Variants in RNF38 observed in about 807,000 individuals in gnomAD.
RNF38 encodes E3 ubiquitin-protein ligase RNF38.
Under a neutral mutation model 67.2 loss-of-function variants are expected in RNF38, and 15 were observed. The ratio of observed to expected loss-of-function variants is 0.22; its 90% CI spans 0.15 to 0.34. RNF38 has a LOEUF of 0.34. Among genes scored for constraint, RNF38 ranks in the 10% least tolerant of loss-of-function variants. The pLI is 1.00. For synonymous variants in RNF38, 220 were observed against 218.8 expected (o/e 1.01, Z -0.05); for missense variants, 524 against 639.9 (o/e 0.82, Z 1.95).
intron 1 of RNF38, among the ~76,000 whole-genome samples, chr9:36,392,060 G>A (rs141550296): frequency 2.0e-3 from 306 of 152,282 alleles, no homozygotes; most frequent in African/African-American, 7.0e-3. Flanking sequence ...ACTGCAAAAC[G>A]TTTAGTATGG....
intron 2 of RNF38, among the ~76,000 whole-genome samples, chr9:36,424,294 C>G (rs1451607135): frequency 6.6e-6 from 1 of 152,146 alleles, no homozygotes; most frequent in Non-Finnish European, 1.5e-5. Context: ...AGCTATCAAC[C>G]TCTGAAACAC....
intron 1 of RNF38, among the ~76,000 whole-genome samples, chr9:36,459,316 A>G (rs1362894191): frequency 1.3e-5 from 2 of 152,178 alleles, no homozygotes; most frequent in Non-Finnish European, 2.9e-5. Flanking sequence ...AGGGCCTTTC[A>G]GCAAAAACAC....
chr9:36,396,678 C>A lies in RNF38; in HGVS notation c.12+3419G>T, dbSNP rs147121567. ...TATGCAAAAGGCAGGCCTGGATGGG[C>A]ACAGGGATCTTTGGGGGATGACAGA... On this transcript the variant is annotated intron_variant, in intron 1 of 11. Coordinates refer to ENST00000259605, the MANE Select transcript of RNF38 (RefSeq NM_022781.5). Among the ~76,000 whole-genome samples, 68 of 152,038 alleles carry A rather than the reference C, an allele frequency of 4.5e-4. No individual in the cohort carries two copies. The East Asian group carries it at 0.012, about 28-fold the overall frequency.
chr9:36,419,503 A>G (rs1487753282), intron 2 of RNF38, among the ~76,000 whole-genome samples: 3 of 152,208 alleles, frequency 2.0e-5, no homozygotes, highest in Admixed American at 6.5e-5. Flanking sequence ...TATATAATTG[A>G]GGCTACAAGT....
chr9:36,419,473 T>C (rs573160208), intron 2 of RNF38, among the ~76,000 whole-genome samples: 6 of 152,346 alleles, frequency 3.9e-5, no homozygotes, highest in Non-Finnish European at 8.8e-5. Context: ...CCTGGCAATG[T>C]ATCAAGAACT....
intron 1 of RNF38, among the ~76,000 whole-genome samples, chr9:36,466,034 A>G (rs1839854810): frequency 6.6e-6 from 1 of 152,196 alleles, no homozygotes; most frequent in South Asian, 2.1e-4. Flanking sequence ...CCTGGGCAAC[A>G]GTGCGAGACT....
chr9:36,381,140 C>G (rs368319097), intron 2 of RNF38, among the ~76,000 whole-genome samples: 1 of 152,198 alleles, frequency 6.6e-6, no homozygotes, highest in Non-Finnish European at 1.5e-5. Context: ...CAGATTTTCA[C>G]GATCCATGCT....
intron 10 of RNF38, among the ~76,000 whole-genome samples, chr9:36,342,915 A>C (rs1197465599): frequency 6.6e-6 from 1 of 152,218 alleles, no homozygotes; most frequent in Non-Finnish European, 1.5e-5. Context: ...GTTGTTCTTC[A>C]GTATTTGAGG....
At chr9:36,340,724 G>A (rs1223935502) in intron 11 of RNF38, among the ~76,000 whole-genome samples, 1 of 152,168 alleles carries the variant, frequency 6.6e-6, no homozygotes, top group Non-Finnish European at 1.5e-5. Context: ...GTGGTACCGA[G>A]GAAAGCTTGA....
intron 2 of RNF38, among the ~76,000 whole-genome samples, chr9:36,412,556 T>A (rs1838352062): frequency 6.6e-6 from 1 of 152,218 alleles, no homozygotes; most frequent in Admixed American, 6.6e-5. Context: ...TGCGGGTGGA[T>A]CCCTTATGAA....
chr9:36,386,538 A>C (rs1836652307), intron 2 of RNF38, among the ~76,000 whole-genome samples: 1 of 152,196 alleles, frequency 6.6e-6, no homozygotes, highest in Admixed American at 6.5e-5. Flanking sequence ...CTCCATACTA[A>C]ACAGTGGCTT....
At chr9:36,402,137 T>C (rs1026841981), upstream of RNF38, among the ~76,000 whole-genome samples, 1 of 152,230 alleles carries the variant, frequency 6.6e-6, no homozygotes, top group Non-Finnish European at 1.5e-5. Context: ...AGAAGGTGTT[T>C]AGCAACTGCT....
chr9:36,388,668 C>G (rs1836832329), intron 2 of RNF38, among the ~76,000 whole-genome samples: 2 of 152,116 alleles, frequency 1.3e-5, no homozygotes, highest in South Asian at 4.2e-4. Context: ...CTTCTTTACT[C>G]CTAGAGAAGG....
At chr9:36,424,058 G>A (rs892904071) in intron 2 of RNF38, among the ~76,000 whole-genome samples, 4 of 151,952 alleles carry the variant, frequency 2.6e-5, no homozygotes, top group African/African-American at 7.3e-5. Flanking sequence ...CCAATAGTTT[G>A]GACATAATTT....
chr9:36,388,120 A>G (rs1836783658), intron 2 of RNF38, among the ~76,000 whole-genome samples: 1 of 152,164 alleles, frequency 6.6e-6, no homozygotes, highest in South Asian at 2.1e-4. Flanking sequence ...TTATATGGTA[A>G]AACCATACAG....
chr9:36,368,671 T>C (rs1363280929), intron 4 of RNF38, among the ~76,000 whole-genome samples: 4 of 152,198 alleles, frequency 2.6e-5, no homozygotes, highest in African/African-American at 9.7e-5. Context: ...TTCATGAACA[T>C]AATAAAAATG....
intron 10 of RNF38, among the ~76,000 whole-genome samples, chr9:36,343,895 A>T (rs370928825): frequency 6.2e-4 from 94 of 152,292 alleles, no homozygotes; most frequent in African/African-American, 2.1e-3. Context: ...TAGAAATATG[A>T]CGAGTGTTGC....
chr9:36,402,981 T>C (rs1350409933), upstream of RNF38, among the ~76,000 whole-genome samples: 4 of 152,106 alleles, frequency 2.6e-5, no homozygotes, highest in African/African-American at 9.7e-5. Context: ...TTTAATTTTC[T>C]GTAGAGGCAG....
intron 4 of RNF38, among the ~76,000 whole-genome samples, chr9:36,360,453 G>A (rs973843947): frequency 2.0e-5 from 3 of 152,102 alleles, no homozygotes; most frequent in Non-Finnish European, 4.4e-5. Context: ...AAGCATTTTG[G>A]ATTTTTTGGA....
Sources: allele counts gnomAD v4.1 joint callset (sites outside exome capture counted in the v4.1 genomes callset), GRCh38; gene constraint gnomAD v4.1.1; transcripts MANE v1.5; gene names NCBI Gene and HGNC (gene_info 2026-07-23, HGNC 2026-07-21).